Variants in MCUB observed in about 807,000 individuals in gnomAD.
The protein encoded by MCUB is calcium uniporter regulatory subunit MCUb, mitochondrial.
A neutral mutation model predicts 41.4 loss-of-function variants in MCUB; 46 were observed. The observed-to-expected ratio is 1.11, with a 90% confidence interval of 0.88 to 1.42. The LOEUF (loss-of-function observed/expected upper bound fraction) is 1.42, where lower values mean the gene tolerates loss of function less well. Among genes scored for constraint, MCUB ranks in the 40% most tolerant of loss-of-function variants. The probability of loss-of-function intolerance (pLI) is 0.00; values close to 1 mark genes in which losing one functional copy is unlikely to be tolerated. For missense variants in MCUB, 403 were observed against 404.9 expected (o/e 1.00, Z 0.04); for synonymous variants, 148 against 148.2 (o/e 1.00, Z 0.01).
At chr4:109,582,537 T>TA (rs1727205820) in intron 1 of MCUB, among the ~76,000 whole-genome samples, 5 of 133,874 alleles carry the variant, frequency 3.7e-5, no homozygotes, top group African/African-American at 1.5e-4. Context: ...ATAATAAAAT[T>TA]TAAAAAAAAA....
chr4:109,639,513 T>C (rs866660404), intron 1 of MCUB, among the ~76,000 whole-genome samples: 1 of 151,664 alleles, frequency 6.6e-6, no homozygotes. Flanking sequence ...CGTGGTAAAA[T>C]CCTGTCTCTA....
At chr4:109,613,558 A>G (rs1233400011) in intron 1 of MCUB, among the ~76,000 whole-genome samples, 1 of 152,192 alleles carries the variant, frequency 6.6e-6, no homozygotes, top group Admixed American at 6.5e-5. Context: ...AGCTTGTTTC[A>G]TCAAAGTATG....
chr4:109,635,019 T>A (rs2126139020), intron 1 of MCUB, among the ~76,000 whole-genome samples: 1 of 152,164 alleles, frequency 6.6e-6, no homozygotes, highest in East Asian at 1.9e-4. Context: ...GCTCTCACTG[T>A]TCAACTCCTG....
At chr4:109,604,316 C>G (rs1053129161) in intron 1 of MCUB, among the ~76,000 whole-genome samples, 12 of 152,102 alleles carry the variant, frequency 7.9e-5, no homozygotes, top group African/African-American at 2.9e-4. Flanking sequence ...GACCCTCTCT[C>G]CACTATTGTC....
chr4:109,632,737 C>T (rs1728501988), intron 1 of MCUB, among the ~76,000 whole-genome samples: 1 of 151,728 alleles, frequency 6.6e-6, no homozygotes, highest in Non-Finnish European at 1.5e-5. Flanking sequence ...GCCTCAGCCT[C>T]CCAAGTAGCT....
Position 109,684,697 on chromosome 4 carries a change from G to A in MCUB, c.816+51G>A, listed in dbSNP as rs533765427. On this transcript the variant is annotated intron_variant, in intron 6 of 7. Coordinates refer to ENST00000394650, the MANE Select transcript of MCUB (RefSeq NM_017918.5). Reference sequence around the variant, plus strand: ...AAGTTAGAACATCTTTGCAAAGAATGTCTTATCTAAGCAATGAGCAAAAAA... The same window carrying A: ...AAGTTAGAACATCTTTGCAAAGAATATCTTATCTAAGCAATGAGCAAAAAA... The A allele has an allele frequency of 4.7e-5, 41 of 875,042 alleles. No individual in the cohort carries two copies. In the East Asian group the frequency reaches 9.4e-4, roughly 20 times the overall value. 54.2% of individuals were successfully genotyped at this position (875,042 alleles called of 1,614,324 possible).
At chr4:109,658,767 A>C (rs1021665296) in intron 1 of MCUB, among the ~76,000 whole-genome samples, 3 of 152,180 alleles carry the variant, frequency 2.0e-5, no homozygotes, top group Non-Finnish European at 2.9e-5. Context: ...AGGGGGCCTC[A>C]TACCCCAATT....
chr4:109,679,737 C>G (rs1433923137), intron 4 of MCUB, among the ~76,000 whole-genome samples: 1 of 152,206 alleles, frequency 6.6e-6, no homozygotes, highest in Non-Finnish European at 1.5e-5. Context: ...CAAGCAGTTA[C>G]TTTAGAAAGC....
chr4:109,661,802 G>A (rs1367357253), intron 3 of MCUB, among the ~76,000 whole-genome samples: 1 of 152,146 alleles, frequency 6.6e-6, no homozygotes, highest in East Asian at 1.9e-4. Flanking sequence ...GGAGGCCGAG[G>A]TGGGTGGATC....
chr4:109,594,387 A>G (rs1388672560), intron 1 of MCUB, among the ~76,000 whole-genome samples: 3 of 152,198 alleles, frequency 2.0e-5, no homozygotes, highest in African/African-American at 2.4e-5. Context: ...AAAGCTTTTC[A>G]AGAGAACTGT....
chr4:109,561,120 G>A (rs1208309401), intron 1 of MCUB: 1 of 152,704 alleles, frequency 6.5e-6, no homozygotes, highest in African/African-American at 2.4e-5. Context: ...AGAAGAAGGG[G>A]AAAGCGCTGA....
At chr4:109,668,842 A>G (rs543513356) in intron 4 of MCUB, among the ~76,000 whole-genome samples, 2 of 152,106 alleles carry the variant, frequency 1.3e-5, no homozygotes, top group Non-Finnish European at 2.9e-5. Flanking sequence ...AGTTTGCAAT[A>G]TACATTTACA....
At chr4:109,607,281 G>A (rs1267697705) in intron 1 of MCUB, among the ~76,000 whole-genome samples, 1 of 151,458 alleles carries the variant, frequency 6.6e-6, no homozygotes, top group African/African-American at 2.4e-5. Context: ...GCAATGGCAC[G>A]ATCTTGGCTC....
intron 1 of MCUB, among the ~76,000 whole-genome samples, chr4:109,597,616 G>A (rs1203131037): frequency 6.3e-5 from 9 of 142,724 alleles, no homozygotes; most frequent in South Asian, 2.2e-4. Context: ...CCCGGATGGG[G>A]CAGCTGGCCG....
intron 1 of MCUB, among the ~76,000 whole-genome samples, chr4:109,602,080 T>A (rs1727757624): frequency 6.6e-6 from 1 of 152,236 alleles, no homozygotes; most frequent in Non-Finnish European, 1.5e-5. Flanking sequence ...TTTTTTCTCA[T>A]AGAGTTGTTT....
intron 1 of MCUB, among the ~76,000 whole-genome samples, chr4:109,597,723 G>A (rs1437037874): frequency 6.3e-5 from 9 of 142,326 alleles, no homozygotes; most frequent in African/African-American, 2.4e-4. Flanking sequence ...GCGGCTGGCC[G>A]GGCGGGGGGC....
chr4:109,650,841 A>G (rs1728945352), intron 1 of MCUB, among the ~76,000 whole-genome samples: 1 of 152,192 alleles, frequency 6.6e-6, no homozygotes, highest in Admixed American at 6.5e-5. Flanking sequence ...TTTGACATTC[A>G]TGATTTGACT....
At chr4:109,642,221 C>T (rs796171947) in intron 1 of MCUB, among the ~76,000 whole-genome samples, 52 of 152,180 alleles carry the variant, frequency 3.4e-4, no homozygotes, top group African/African-American at 1.1e-3. Context: ...TTTTCTTACC[C>T]GGGTTTCAGC....
intron 1 of MCUB, among the ~76,000 whole-genome samples, chr4:109,656,675 C>T (rs897170089): frequency 2.6e-5 from 4 of 152,058 alleles, no homozygotes; most frequent in Non-Finnish European, 5.9e-5. Flanking sequence ...CTGGCCTACT[C>T]CCTACCTTCG....
Sources: allele counts gnomAD v4.1 joint callset (sites outside exome capture counted in the v4.1 genomes callset), GRCh38; gene constraint gnomAD v4.1.1; transcripts MANE v1.5; gene names NCBI Gene and HGNC (gene_info 2026-07-23, HGNC 2026-07-21).